Variants in EMSY observed in about 807,000 individuals in gnomAD.
EMSY encodes EMSY transcriptional repressor, BRCA2 interacting, also known as BRCA2-interacting transcriptional repressor EMSY.
A neutral mutation model predicts 134.6 loss-of-function variants in EMSY; 26 were observed. That is an observed-to-expected ratio of 0.19 (90% CI 0.14 to 0.27). The LOEUF is 0.27. Among genes scored for constraint, EMSY ranks in the 10% least tolerant of loss-of-function variants. The pLI, the probability that EMSY is intolerant of heterozygous loss-of-function variation, is 1.00. For missense variants in EMSY, 1,305 were observed against 1,611.4 expected, an observed-to-expected ratio of 0.81 and a Z score of 3.26; for synonymous variants, 579 against 577.8, an observed-to-expected ratio of 1.00 and a Z score of -0.03.
intron 20 of EMSY, among the ~76,000 whole-genome samples, chr11:76,548,128 T>G (rs186058182): frequency 3.9e-4 from 59 of 152,332 alleles, no homozygotes; most frequent in Non-Finnish European, 5.9e-5. Context: ...AAGCACCTAG[T>G]CAAGTGTCTG....
chr11:76,445,401 G>C (rs1947335910), intron 1 of EMSY, among the ~76,000 whole-genome samples: 1 of 152,148 alleles, frequency 6.6e-6, no homozygotes, highest in Admixed American at 6.5e-5. Context: ...TGTCCTCTCC[G>C]CTGGGGAGGG....
chr11:76,552,391 A>T (rs1951856953), downstream of EMSY: 1 of 152,208 alleles, frequency 6.6e-6, no homozygotes, highest in South Asian at 2.1e-4. Flanking sequence ...GGATTTTCAG[A>T]CATCCCTTTA....
chr11:76,472,088 G>T (rs1948595000), intron 7 of EMSY, among the ~76,000 whole-genome samples: 1 of 152,082 alleles, frequency 6.6e-6, no homozygotes, highest in African/African-American at 2.4e-5. Context: ...GTCTCTGCGT[G>T]ACATATACTT....
intron 8 of EMSY, among the ~76,000 whole-genome samples, chr11:76,474,296 A>G (rs1416988945): frequency 6.6e-6 from 1 of 152,154 alleles, no homozygotes; most frequent in Non-Finnish European, 1.5e-5. Context: ...AGCATATATT[A>G]TATAGAATTC....
At chr11:76,546,346 G>C (rs746150835) in intron 20 of EMSY, 49 bp downstream of exon 21, 1 of 1,554,674 alleles carries the variant, frequency 6.4e-7, no homozygotes, top group African/African-American at 1.4e-5. Context: ...TGGGGGTTGT[G>C]GGTTTGTTTG....
chr11:76,516,191 G>A (rs746107065), exon 11 of EMSY: 35 of 1,613,970 alleles, frequency 2.2e-5, no homozygotes, highest in Non-Finnish European at 3.0e-5. Flanking sequence ...CCATTGGTCG[G>A]ATGGCTGCAA....
intron 8 of EMSY, among the ~76,000 whole-genome samples, chr11:76,490,973 C>T (rs1949397005): frequency 1.3e-5 from 2 of 151,766 alleles, no homozygotes; most frequent in African/African-American, 2.4e-5. Flanking sequence ...TAACTTGTTT[C>T]CTCTCTCTCT....
At chr11:76,510,427 C>A (rs945211701) in intron 9 of EMSY, among the ~76,000 whole-genome samples, 49 of 152,310 alleles carry the variant, frequency 3.2e-4, no homozygotes, top group African/African-American at 1.1e-3. Flanking sequence ...GAAACTGGAA[C>A]CTTGCAGAAA....
intron 4 of EMSY, among the ~76,000 whole-genome samples, chr11:76,457,026 T>G (rs1947899786): frequency 6.6e-6 from 1 of 152,182 alleles, no homozygotes; most frequent in Non-Finnish European, 1.5e-5. Context: ...CTCAGTTTCC[T>G]CATCTGTAAA....
At chr11:76,544,159 T>G (rs1565366141) in intron 18 of EMSY, 100 bp from the exon 20 acceptor site, 2 of 1,257,426 alleles carry the variant, frequency 1.6e-6, no homozygotes, top group Non-Finnish European at 2.2e-6. Context: ...CTTCTGAAAA[T>G]TTTTGAGTGA....
At chr11:76,516,362 G>GAAA in intron 11 of EMSY, 50 bp downstream of exon 12, 1 of 1,221,284 alleles carries the variant, frequency 8.2e-7, no homozygotes. Flanking sequence ...TCATTGAGAG[G>GAAA]AAAAAAAAAA....
chr11:76,502,080 C>T (rs1949885561), intron 9 of EMSY, among the ~76,000 whole-genome samples: 1 of 147,090 alleles, frequency 6.8e-6, no homozygotes, highest in Non-Finnish European at 1.5e-5. Context: ...ACTAAGAATC[C>T]TATATCCAGC....
chr11:76,455,921 C>G (rs995696049), intron 4 of EMSY, among the ~76,000 whole-genome samples: 10 of 152,146 alleles, frequency 6.6e-5, no homozygotes, highest in Non-Finnish European at 1.3e-4. Flanking sequence ...CCCCATCACT[C>G]AGACATTCAC....
chr11:76,472,668 T>G, exon 8 of EMSY: 2 of 1,614,204 alleles, frequency 1.2e-6, no homozygotes, highest in South Asian at 1.1e-5. Context: ...CGTCAGTCAT[T>G]GCTTCTACAA....
downstream of EMSY, chr11:76,551,639 G>A (rs924222593): frequency 6.6e-6 from 1 of 152,352 alleles, no homozygotes; most frequent in Non-Finnish European, 1.5e-5. Context: ...CATAGATGGA[G>A]CTGTTGGATA....
At chr11:76,504,104 G>T (rs1408299849) in intron 9 of EMSY, among the ~76,000 whole-genome samples, 1 of 151,760 alleles carries the variant, frequency 6.6e-6, no homozygotes, top group Non-Finnish European at 1.5e-5. Flanking sequence ...TGTTTTAAAA[G>T]ATACCATCAA....
chr11:76,539,577 C>A (rs376125903), intron 16 of EMSY, 22 bp from the exon 18 acceptor site: 6 of 1,612,954 alleles, frequency 3.7e-6, no homozygotes, highest in Non-Finnish European at 5.1e-6. Flanking sequence ...ACTATGATTT[C>A]TTCCCTTACT....
At position 76,463,458 on chromosome 11, in the gene EMSY, C is replaced by T. The variant is rs1294400225; in HGVS notation, c.572-363C>T. ...CTAACAAGGTGAAACCCCGTCTCTACTAAAAATACAAAAAATTAGCCGGGC... is the reference window on the plus strand; with the variant it reads ...CTAACAAGGTGAAACCCCGTCTCTATTAAAAATACAAAAAATTAGCCGGGC... On this transcript the variant is annotated intron_variant, in intron 6 of 20. Coordinates refer to ENST00000334736, the Ensembl canonical transcript of EMSY. 2.0e-5 allele frequency among the ~76,000 whole-genome samples: 3 copies of T among 150,742 alleles called. No homozygotes were observed. The East Asian group carries it at 5.9e-4, about 29-fold the overall frequency.
chr11:76,491,336 A>G (rs1044815090), intron 8 of EMSY, among the ~76,000 whole-genome samples: 2 of 151,954 alleles, frequency 1.3e-5, no homozygotes, highest in African/African-American at 4.8e-5. Context: ...GTGTGCTGCC[A>G]TGCCCGGCTT....
Sources: allele counts gnomAD v4.1 joint callset (sites outside exome capture counted in the v4.1 genomes callset), GRCh38; gene constraint gnomAD v4.1.1; transcripts MANE v1.5; gene names NCBI Gene and HGNC (gene_info 2026-07-23, HGNC 2026-07-21).